SND1: variants seen among roughly 807,000 people sequenced by gnomAD.
SND1 encodes the protein staphylococcal nuclease domain-containing protein 1.
A neutral mutation model predicts 121.7 loss-of-function variants in SND1; 38 were observed. That is an observed-to-expected ratio of 0.31 (90% CI 0.24 to 0.41). The LOEUF is 0.41. Ranked by LOEUF, SND1 falls within the 10% of genes least tolerant of loss-of-function variation. The probability of loss-of-function intolerance (pLI) is 1.00; values close to 1 mark genes in which losing one functional copy is unlikely to be tolerated. For missense variants in SND1, 868 were observed against 1,184.6 expected, an observed-to-expected ratio of 0.73 and a Z score of 3.92; for synonymous variants, 401 against 447.4, an observed-to-expected ratio of 0.90 and a Z score of 1.31.
chr7:127,760,321 G>A (rs1164116689), intron 10 of SND1, among the ~76,000 whole-genome samples: 1 of 152,234 alleles, frequency 6.6e-6, no homozygotes, highest in Non-Finnish European at 1.5e-5. Flanking sequence ...TTCTGAGATA[G>A]TGGGAGGATA....
intron 8 of SND1, among the ~76,000 whole-genome samples, chr7:127,707,189 G>C (rs927698138): frequency 6.6e-6 from 1 of 152,172 alleles, no homozygotes; most frequent in Non-Finnish European, 1.5e-5. Context: ...AATTCAGATA[G>C]AAATTGAGCA....
rs1233418992 is a variant in SND1 at position 128,081,353 on chromosome 7, CA to C, written c.1969-6del. ...CCTCTTCTCACCTCTGCCGACTGAA[CA>C]TGCAGGTCTGGGCCCACTATGAGGA... is the stretch of plus-strand genomic sequence containing the variant. On this transcript the variant is annotated splice_polypyrimidine_tract_variant and splice_region_variant and intron_variant, in intron 17 of 23. Transcript: ENST00000354725. The C allele has an allele frequency of 1.2e-6, 2 of 1,614,054 alleles. No individual in the cohort carries two copies. The highest frequency in any genetic ancestry group is 4.5e-5 in the East Asian group (2 of 44,878).
intron 10 of SND1, among the ~76,000 whole-genome samples, chr7:127,784,917 T>C (rs1220703077): frequency 6.6e-6 from 1 of 152,100 alleles, no homozygotes; most frequent in East Asian, 1.9e-4. Context: ...TTTTTCTTGT[T>C]TTGTTTTGTT....
At chr7:127,851,466 T>A (rs1421280510) in intron 12 of SND1, among the ~76,000 whole-genome samples, 4 of 152,268 alleles carry the variant, frequency 2.6e-5, no homozygotes, top group African/African-American at 7.2e-5. Flanking sequence ...TGTCTTCAAC[T>A]TGATCTTTCA....
At chr7:128,038,676 T>C (rs902143712) in intron 16 of SND1, among the ~76,000 whole-genome samples, 1 of 149,286 alleles carries the variant, frequency 6.7e-6, no homozygotes, top group African/African-American at 2.5e-5. Flanking sequence ...TTTTTAACAG[T>C]TACTGGGTTG....
intron 13 of SND1, among the ~76,000 whole-genome samples, chr7:127,893,864 G>A (rs758968443): frequency 2.0e-5 from 3 of 151,932 alleles, no homozygotes; most frequent in Non-Finnish European, 4.4e-5. Context: ...TTCTGATTCA[G>A]CAAACCCTCT....
At chr7:128,082,190 G>A (rs773361213) in intron 18 of SND1, among the ~76,000 whole-genome samples, 90 of 152,206 alleles carry the variant, frequency 5.9e-4, no homozygotes, top group Admixed American at 8.5e-4. Context: ...AACCGCTTAC[G>A]CTTTCCACCC....
At chr7:127,973,798 CAG>C (rs1802055371) in intron 15 of SND1, among the ~76,000 whole-genome samples, 1 of 152,202 alleles carries the variant, frequency 6.6e-6, no homozygotes, top group African/African-American at 2.4e-5. Context: ...CAAAATTTAG[CAG>C]AGCTGACCTT....
chr7:127,661,541 A>G (rs1795310657), intron 1 of SND1, among the ~76,000 whole-genome samples: 1 of 152,192 alleles, frequency 6.6e-6, no homozygotes, highest in Non-Finnish European at 1.5e-5. Flanking sequence ...CTAAAACCCC[A>G]AATGATCTAC....
At chr7:128,021,921 G>C (rs556294696) in intron 16 of SND1, among the ~76,000 whole-genome samples, 1 of 152,020 alleles carries the variant, frequency 6.6e-6, no homozygotes, top group Non-Finnish European at 1.5e-5. Context: ...AGGTAGGTGG[G>C]GGCTGGGTAC....
chr7:127,878,380 C>A (rs1258088398), intron 12 of SND1, among the ~76,000 whole-genome samples: 2 of 152,168 alleles, frequency 1.3e-5, no homozygotes, highest in Non-Finnish European at 2.9e-5. Flanking sequence ...AGTTCCATAC[C>A]TGCCCATTCA....
chr7:128,053,668 C>T (rs758696648), intron 16 of SND1, among the ~76,000 whole-genome samples: 1 of 151,934 alleles, frequency 6.6e-6, no homozygotes, highest in Non-Finnish European at 1.5e-5. Flanking sequence ...ACTTACAAAA[C>T]CCACAAGCAG....
rs573477631 is a variant in SND1, at chr7:127,752,825, A to G, written c.1152+31425A>G. ...TGTTCTTTTGATTTTCTTTCAAACC[A>G]TTAAAAAACACAAAAACCATTTTCA... On this transcript the variant is annotated intron_variant, in intron 10 of 23. Coordinates refer to ENST00000354725, the MANE Select transcript of SND1 (RefSeq NM_014390.4). 1.2e-4 allele frequency among the ~76,000 whole-genome samples: 19 copies of G among 152,342 alleles called. No homozygotes were observed. The East Asian group carries it at 3.5e-3, about 28-fold the overall frequency.
At chr7:127,887,281 GCCACAGCA>G (rs1563048000) in intron 12 of SND1, among the ~76,000 whole-genome samples, 3 of 152,224 alleles carry the variant, frequency 2.0e-5, no homozygotes, top group Non-Finnish European at 1.5e-5. Flanking sequence ...ATAGGCATGA[GCCACAGCA>G]CAAAGAATTT....
chr7:127,809,341 C>T (rs1798293698), intron 11 of SND1, among the ~76,000 whole-genome samples: 1 of 152,162 alleles, frequency 6.6e-6, no homozygotes, highest in Admixed American at 6.5e-5. Flanking sequence ...AATATTGTAT[C>T]CCTGAGTAGT....
At chr7:127,707,159 G>T (rs1796216456) in intron 8 of SND1, among the ~76,000 whole-genome samples, 1 of 152,140 alleles carries the variant, frequency 6.6e-6, no homozygotes, top group African/African-American at 2.4e-5. Flanking sequence ...ATAGGATTTG[G>T]TAGCTGGTAA....
Position 128,028,921 on chromosome 7 carries a change from C to T in SND1, c.1779+37865C>T, listed in dbSNP as rs1792487606. 1.2e-6 allele frequency: 2 copies of T among 1,611,374 alleles called. No individual in the cohort carries two copies. The highest frequency in any genetic ancestry group is 1.7e-5 in the Admixed American group (1 of 59,480). ...GCTGCGGATGTTGCTGCTGGGATGT[C>T]TTCGTCCACCTGGATTATCTCAACA... On this transcript the variant is annotated intron_variant, in intron 16 of 23. Transcript: ENST00000354725.
At chr7:127,912,211 C>T (rs1800473427) in intron 14 of SND1, among the ~76,000 whole-genome samples, 2 of 152,276 alleles carry the variant, frequency 1.3e-5, no homozygotes, top group African/African-American at 4.8e-5. Context: ...ACTACAGGGC[C>T]ATCCCTCTCT....
chr7:128,091,531 G>A (rs1430206916), intron 22 of SND1, among the ~76,000 whole-genome samples: 1 of 152,060 alleles, frequency 6.6e-6, no homozygotes, highest in African/African-American at 2.4e-5. Context: ...TTTAAATGGG[G>A]TTGCCCGAGA....
Sources: gnomAD v4.1 joint callset for allele counts (sites outside exome capture counted in the v4.1 genomes callset) on GRCh38, gnomAD v4.1.1 for gene constraint, MANE v1.5 for transcripts, NCBI Gene and HGNC (gene_info 2026-07-23, HGNC 2026-07-21) for gene names.